The following P2RX3 variants were observed in gnomAD, a reference collection of about 807,000 sequenced individuals.
P2RX3 encodes the protein purinergic receptor P2X 3.
In P2RX3, 41 loss-of-function variants were observed where a neutral mutation model predicts 51.5. The ratio of observed to expected loss-of-function variants is 0.80; its 90% CI spans 0.62 to 1.03. The LOEUF (loss-of-function observed/expected upper bound fraction) is 1.03, where lower values mean the gene tolerates loss of function less well. Among genes scored for constraint, P2RX3 ranks in the 50% least tolerant of loss-of-function variants. The pLI is 0.00. For synonymous variants in P2RX3, 185 were observed against 191.6 expected (o/e 0.97, Z 0.29); for missense variants, 459 against 522.1 (o/e 0.88, Z 1.18).
chr11:57,363,014 ACT>A (rs531957635), intron 8 of P2RX3, among the ~76,000 whole-genome samples: 25 of 152,182 alleles, frequency 1.6e-4, no homozygotes, highest in African/African-American at 5.1e-4. Flanking sequence ...ATATATGGAC[ACT>A]CTCTCAACTC....
At chr11:57,350,008 C>A in intron 7 of P2RX3, 110 bp downstream of exon 7, 1 of 1,487,120 alleles carries the variant, frequency 6.7e-7, no homozygotes, top group Non-Finnish European at 9.1e-7. Flanking sequence ...GAGACAGCGC[C>A]ACCTGGTGGA....
chr11:57,341,326 T>A (rs1418520044), intron 1 of P2RX3, among the ~76,000 whole-genome samples: 1 of 152,096 alleles, frequency 6.6e-6, no homozygotes, highest in African/African-American at 2.4e-5. Flanking sequence ...TTCAATCTCT[T>A]CCCCATCATC....
At chr11:57,362,206 G>A (rs1856731027) in intron 8 of P2RX3, among the ~76,000 whole-genome samples, 1 of 152,226 alleles carries the variant, frequency 6.6e-6, no homozygotes, top group Admixed American at 6.5e-5. Context: ...TCTGTGGGAT[G>A]TGTTCAGGAA....
chr11:57,343,525 C>A (rs1856379155), intron 1 of P2RX3, among the ~76,000 whole-genome samples: 1 of 152,180 alleles, frequency 6.6e-6, no homozygotes, highest in South Asian at 2.1e-4. Flanking sequence ...CAAGTTAGCA[C>A]CCTCTCTGTG....
intron 8 of P2RX3, among the ~76,000 whole-genome samples, chr11:57,351,839 G>A (rs1376181091): frequency 6.6e-6 from 1 of 152,132 alleles, no homozygotes; most frequent in Non-Finnish European, 1.5e-5. Flanking sequence ...CTTATTAAAG[G>A]TTTTGTTTTC....
chr11:57,357,026 C>T (rs1375612108), intron 8 of P2RX3, among the ~76,000 whole-genome samples: 1 of 152,132 alleles, frequency 6.6e-6, no homozygotes, highest in Non-Finnish European at 1.5e-5. Context: ...GAAGAGAGAA[C>T]ATTTTAGAGC....
chr11:57,356,301 T>C (rs767087878), intron 8 of P2RX3, among the ~76,000 whole-genome samples: 4 of 151,860 alleles, frequency 2.6e-5, no homozygotes, highest in African/African-American at 4.8e-5. Flanking sequence ...GAAAAAAAAA[T>C]AGCTCTAAGA....
chr11:57,367,824 C>T (rs1279244609), intron 8 of P2RX3, among the ~76,000 whole-genome samples, 185 bp from the exon 9 acceptor site: 1 of 152,128 alleles, frequency 6.6e-6, no homozygotes, highest in Non-Finnish European at 1.5e-5. Flanking sequence ...TTATAACAAG[C>T]CCCCAAGATG....
At chr11:57,350,986 T>TCCAC in intron 8 of P2RX3, 88 bp downstream of exon 8, 1 of 1,571,996 alleles carries the variant, frequency 6.4e-7, no homozygotes, top group Non-Finnish European at 8.7e-7. Context: ...CCCACATCCA[T>TCCAC]CCACCCACCC....
At chr11:57,340,604 G>A (rs118086344) in intron 1 of P2RX3, 2,981 of 152,394 alleles carry the variant, frequency 0.02, 41 homozygotes, top group Non-Finnish European at 0.024. Flanking sequence ...GATTGAGGAC[G>A]GAATGGTGGG....
intron 8 of P2RX3, among the ~76,000 whole-genome samples, chr11:57,361,655 G>A (rs1306860954): frequency 1.3e-5 from 2 of 152,078 alleles, no homozygotes; most frequent in East Asian, 3.8e-4. Flanking sequence ...AGTATTCCAT[G>A]GTATATATAC....
At chr11:57,368,561 A>T in intron 10 of P2RX3, 124 bp downstream of exon 10, 2 of 1,053,206 alleles carry the variant, frequency 1.9e-6, no homozygotes, top group Non-Finnish European at 2.9e-6. Flanking sequence ...CCCTACCCCC[A>T]CTTGCTAGGT....
chr11:57,350,578 G>A, intron 7 of P2RX3, 184 bp from the exon 8 acceptor site: 1 of 758,878 alleles, frequency 1.3e-6, no homozygotes. Flanking sequence ...CACCGCACCC[G>A]GCCACCACAG....
At position 57,368,121 on chromosome 11, in the gene P2RX3, C is replaced by A; in HGVS notation, c.936+19C>A. Reference sequence around the variant, plus strand: ...CGGGAATGTGAGTCCATGGGCCAGGCAGATGGGGTGGACAGGGGAGGCAGC... The same window carrying A: ...CGGGAATGTGAGTCCATGGGCCAGGAAGATGGGGTGGACAGGGGAGGCAGC... On this transcript the variant is annotated intron_variant, in intron 9 of 11. Coordinates refer to ENST00000263314, the MANE Select transcript of P2RX3 (RefSeq NM_002559.5). 1 of 1,610,116 alleles carries A rather than the reference C, an allele frequency of 6.2e-7. No individual in the cohort carries two copies. The highest frequency in any genetic ancestry group is 8.5e-7 in the Non-Finnish European group (1 of 1,176,362).
In P2RX3 at chr11:57,370,971, C is replaced by T. The variant is rs556765868; in HGVS notation, c.*974C>T. 6.6e-6 allele frequency among the ~76,000 whole-genome samples: 1 copy of T among 152,312 alleles called. No homozygotes were observed. The highest frequency in any genetic ancestry group is 2.1e-4 in the South Asian group (1 of 4,828). On this transcript the variant is annotated 3_prime_UTR_variant, in exon 12 of 12. Coordinates refer to ENST00000263314, the MANE Select transcript of P2RX3 (RefSeq NM_002559.5). ...GAGCTGCTCAGCTGGGTTGGCCAGG[C>T]CTGTCCCCATAGGGTCTTAATAAGG...
rs1257540989 is a variant in P2RX3, at chr11:57,346,566, G to A, written c.142G>A (p.Ala48Thr). The part of the protein sequence containing the change: ...FVGWVFLHEK[A>T]YQVRDTAIES... ...CAGGTGGGTTTTCTTGCACGAGAAG[G>A]CTTACCAGGTACGGGACACAGCCAT... The change falls in exon 2 of 12, where the codon GCT becomes ACT. Residue 48 changes from alanine to threonine, a missense_variant. By Grantham distance (58) the Ala-to-Thr change is moderately conservative. Transcript: ENST00000263314. The A allele has an allele frequency of 1.2e-6, 2 of 1,614,134 alleles. No homozygotes were observed. The highest frequency in any genetic ancestry group is 2.2e-5 in the South Asian group (2 of 91,072).
Position 57,349,783 on chromosome 11 carries a change from C to A in P2RX3, c.590C>A (p.Ala197Asp). Reference protein sequence around the residue: ...EKGNLLPNLTARDMKTCRFHP... With the variant: ...EKGNLLPNLTDRDMKTCRFHP... ...GGAAACCTCCTTCCCAACCTGACAGCCAGGGACATGAAGACCTGCCGCTTC... is the reference window on the plus strand; with the variant it reads ...GGAAACCTCCTTCCCAACCTGACAGACAGGGACATGAAGACCTGCCGCTTC... Residue 197 changes from alanine to aspartate, a missense_variant, in exon 7 of 12, where the codon GCC becomes GAC. By Grantham distance (126) the Ala-to-Asp change is moderately radical. Transcript: ENST00000263314. The A allele has an allele frequency of 6.2e-7, 1 of 1,614,192 alleles. No homozygotes were observed.
intron 8 of P2RX3, among the ~76,000 whole-genome samples, chr11:57,357,322 A>C (rs988122030): frequency 3.3e-5 from 5 of 152,232 alleles, no homozygotes. Flanking sequence ...TGTCAAAAAA[A>C]TAAAAAAAGA....
At position 57,338,567 on chromosome 11, in the gene P2RX3, A is replaced by G. The variant is rs748783722; in HGVS notation, c.17A>G (p.Asp6Gly). 4.4e-6 allele frequency: 7 copies of G among 1,588,102 alleles called. No homozygotes were observed. Among genetic ancestry groups the G allele is most frequent in the African/African-American group, 2.7e-5 (2 of 74,654 alleles). Residue 6 changes from aspartate to glycine, a missense_variant, in exon 1 of 12, where the codon GAC (aspartate) becomes GGC (glycine). Transcript: ENST00000263314. MNCIS[D>G]FFTYETTKSV... ...TCTCTCAGCATGAACTGCATATCCG[A>G]CTTCTTCACCTATGAGACCACCAAG...
Sources: gnomAD v4.1 joint callset for allele counts (sites outside exome capture counted in the v4.1 genomes callset) on GRCh38, gnomAD v4.1.1 for gene constraint, MANE v1.5 for transcripts, NCBI Gene and HGNC (gene_info 2026-07-23, HGNC 2026-07-21) for gene names.